Variants in ATP4A observed in about 807,000 individuals in gnomAD.
ATP4A encodes ATPase H+/K+ transporting subunit alpha.
ATP4A carries 73 observed loss-of-function variants against 112.1 expected under a neutral mutation model. That is an observed-to-expected ratio of 0.65 (90% CI 0.54 to 0.79). ATP4A has a LOEUF of 0.79. Among genes scored for constraint, ATP4A ranks in the 30% least tolerant of loss-of-function variants. ATP4A has a pLI of 0.00. For missense variants in ATP4A, 1,081 were observed against 1,425.9 expected (o/e 0.76, Z 3.90); for synonymous variants, 588 against 588.9 (o/e 1.00, Z 0.02).
At position 35,551,322 on chromosome 19, in the gene ATP4A, T is replaced by C; in HGVS notation, c.2885+125A>G. 1 of 1,485,834 alleles carries C rather than the reference T, an allele frequency of 6.7e-7. No individual in the cohort carries two copies. The highest frequency in any genetic ancestry group is 9.1e-7 in the Non-Finnish European group (1 of 1,093,184). The allele number at this position is 1,485,834 out of a possible 1,614,324, so 92.0% of individuals were successfully genotyped here. Reference sequence around the variant, plus strand: ...GTTATTGGCCAGTTAGAAAGGTTTTTTTGGCATGTCACCATCTGGCACTGG... The same window carrying C: ...GTTATTGGCCAGTTAGAAAGGTTTTCTTGGCATGTCACCATCTGGCACTGG... On this transcript the variant is annotated intron_variant, in intron 19 of 21. Transcript: ENST00000262623. This position sits in a 1 kb window ranked among gnomAD's most constrained non-coding sequence, Gnocchi z 5.2.
At position 35,550,846 on chromosome 19, in the gene ATP4A, A is replaced by G. The variant is rs1487552106; in HGVS notation, c.3067T>C (p.Cys1023Arg). Reference sequence around the variant, plus strand: ...TCTCCACACTCACTCCCTGGGCAACAGCGAACTCCAAGCTTCCGGATCTCA... The same window carrying G: ...TCTCCACACTCACTCCCTGGGCAACGGCGAACTCCAAGCTTCCGGATCTCA... ...YDEIRKLGVR[C>R]CPGSWWDQEL... The change falls in exon 21 of 22, where the codon TGT becomes CGT. Residue 1023 changes from cysteine (C) to arginine (R), a missense_variant. This residue lies in a region of ATP4A where 219 missense variants were observed against 320.9 expected (regional missense o/e 0.68). Transcript: ENST00000262623. This position sits in a 1 kb window ranked among gnomAD's most constrained non-coding sequence, Gnocchi z 4.1. 4 of 1,614,090 alleles carry G rather than the reference A, an allele frequency of 2.5e-6. No homozygotes were observed. The highest frequency in any genetic ancestry group is 3.4e-6 in the Non-Finnish European group (4 of 1,179,958).
rs2071685326 is a variant in ATP4A at position 35,563,541 on chromosome 19, G to A, written c.13-14C>T. ...CTCATAGTTCTCCTGGGAATGGACA[G>A]GATGGAGGGAGGGAGAACTCAGATT... is the stretch of plus-strand genomic sequence containing the variant. On this transcript the variant is annotated splice_polypyrimidine_tract_variant and intron_variant, in intron 1 of 21. Coordinates refer to ENST00000262623, the MANE Select transcript of ATP4A (RefSeq NM_000704.3). 6.2e-7 allele frequency: 1 copy of A among 1,613,888 alleles called. No individual in the cohort carries two copies. The highest frequency in any genetic ancestry group is 8.5e-7 in the Non-Finnish European group (1 of 1,179,948).
rs1158978058 is a variant in ATP4A at position 35,555,150 on chromosome 19, C to G, written c.2326+16G>C. ...TGTGCCCACACTGCCTGCCCTCCCC[C>G]TGGCGTGGCTCGGACCCTGCTCCAC... On this transcript the variant is annotated intron_variant, in intron 15 of 21. Transcript: ENST00000262623. This position sits in a 1 kb window ranked among gnomAD's most constrained non-coding sequence, Gnocchi z 6.6. 1.2e-6 allele frequency: 2 copies of G among 1,614,160 alleles called. No homozygotes were observed. The highest frequency in any genetic ancestry group is 1.6e-4 in the Middle Eastern group (1 of 6,062).
chr19:35,559,283 C>G lies in ATP4A; in HGVS notation c.1057-92G>C. The G allele has an allele frequency of 7.2e-7, 1 of 1,382,314 alleles. No individual in the cohort carries two copies. Among genetic ancestry groups the G allele is most frequent in the South Asian group, 1.2e-5 (1 of 82,666 alleles). The allele number at this position is 1,382,314 out of a possible 1,614,324, so 85.6% of individuals were successfully genotyped here. ...AAGAACGGGGAAGGCTTTACCCCAG[C>G]CGCGGGGCTGCGTGTGCAACGTGCT... On this transcript the variant is annotated intron_variant, in intron 7 of 21. Coordinates refer to ENST00000262623, the MANE Select transcript of ATP4A (RefSeq NM_000704.3). This position sits in a 1 kb window ranked among gnomAD's most constrained non-coding sequence, Gnocchi z 4.1.
At position 35,555,748 on chromosome 19, in the gene ATP4A, A is replaced by G. The variant is rs1172383112; in HGVS notation, c.1934T>C (p.Ile645Thr). 3 of 1,613,498 alleles carry G rather than the reference A, an allele frequency of 1.9e-6. No homozygotes were observed. The highest frequency in any genetic ancestry group is 2.7e-5 in the African/African-American group (2 of 74,872). ...AKAIAASVGI[I>T]SEGSETVEDI... is the part of the protein sequence containing the mutation. Reference sequence around the variant, plus strand: ...CTCCACTGTCTCGCTGCCTTCCGAGATGATGCCCACACTGGCTGCAATGGC... The same window carrying G: ...CTCCACTGTCTCGCTGCCTTCCGAGGTGATGCCCACACTGGCTGCAATGGC... The change falls in exon 13 of 22, where the codon ATC (isoleucine) becomes ACC (threonine). Residue 645 changes from isoleucine to threonine, a missense_variant. Ile to Thr is a moderately conservative substitution (Grantham distance 89). Coordinates refer to ENST00000262623, the MANE Select transcript of ATP4A (RefSeq NM_000704.3). This position sits in a 1 kb window ranked among gnomAD's most constrained non-coding sequence, Gnocchi z 6.6.
At position 35,550,732 on chromosome 19, in the gene ATP4A, G is replaced by A; in HGVS notation, c.3080-89C>T. 6.2e-7 allele frequency: 1 copy of A among 1,608,852 alleles called. No homozygotes were observed. The highest frequency in any genetic ancestry group is 8.5e-7 in the Non-Finnish European group (1 of 1,175,422). On this transcript the variant is annotated intron_variant, in intron 21 of 21. Transcript: ENST00000262623. The surrounding 1 kb of genome is among the most constrained non-coding windows in gnomAD (Gnocchi z 4.1). The stretch of plus-strand genomic sequence containing the variant: ...TCAGAGGTCAGTGCTGGTTGCTATG[G>A]AGGGTCAAGGGCTTAGAGGCCAAGT...
rs2146308952 is a variant in ATP4A at position 35,556,989 on chromosome 19, C to A, written c.1793G>T (p.Gly598Val). 1.2e-6 allele frequency: 2 copies of A among 1,614,162 alleles called. No individual in the cohort carries two copies. The highest frequency in any genetic ancestry group is 1.7e-6 in the Non-Finnish European group (2 of 1,180,026). The change falls in exon 12 of 22, where the codon GGA becomes GTA. Residue 598 changes from glycine (G) to valine (V), a missense_variant. By Grantham distance (109) the Gly-to-Val change is moderately radical (BLOSUM62 -3). Coordinates refer to ENST00000262623, the MANE Select transcript of ATP4A (RefSeq NM_000704.3). ...GGGTGGGTCAATCATGGATACAAGT[C>A]CCGCAAAGCAGAGGCCGCTAGATGG... ...NFPSSGLCFA[G>V]LVSMIDPPRA...
At position 35,559,091 on chromosome 19, in the gene ATP4A, G is replaced by A; in HGVS notation, c.1157C>T (p.Ser386Leu). 1.2e-6 allele frequency: 2 copies of A among 1,614,188 alleles called. No individual in the cohort carries two copies. Among genetic ancestry groups the A allele is most frequent in the Non-Finnish European group, 1.7e-6 (2 of 1,180,034 alleles). Reference protein sequence around the residue: ...ETLGSTSVICSDKTGTLTQNR... With the variant: ...ETLGSTSVICLDKTGTLTQNR... ...CTGAGTGAGAGTCCCTGTCTTGTCC[G>A]AGCAGATCACCGAAGTGGAGCCCAA... The change falls in exon 8 of 22, where the codon TCG becomes TTG. Residue 386 changes from serine to leucine, a missense_variant. Ser to Leu is a moderately radical substitution (Grantham distance 145). Coordinates refer to ENST00000262623, the MANE Select transcript of ATP4A (RefSeq NM_000704.3). The surrounding 1 kb of genome is among the most constrained non-coding windows in gnomAD (Gnocchi z 4.1).
At position 35,559,326 on chromosome 19, in the gene ATP4A, T is replaced by C; in HGVS notation, c.1057-135A>G. 1.1e-6 allele frequency: 1 copy of C among 906,876 alleles called. No individual in the cohort carries two copies. Among genetic ancestry groups the C allele is most frequent in the South Asian group, 1.6e-5 (1 of 63,446 alleles). 56.2% of individuals were successfully genotyped at this position (906,876 alleles called of 1,614,324 possible). On this transcript the variant is annotated intron_variant, in intron 7 of 21. Transcript: ENST00000262623. This position sits in a 1 kb window ranked among gnomAD's most constrained non-coding sequence, Gnocchi z 4.1. ...AACGTGCTTCTGCAAACACCAGGTG[T>C]TTTCTTGGCCCCAGCTTTTGTTCAG...
At position 35,550,708 on chromosome 19, in the gene ATP4A, C is replaced by T. The variant is rs2071596379; in HGVS notation, c.3080-65G>A. ...TGCCACTTAGGCAGGGCCAGGGGCT[C>T]AGAGGTCAGTGCTGGTTGCTATGGA... is the stretch of plus-strand genomic sequence containing the variant. On this transcript the variant is annotated intron_variant, in intron 21 of 21. Transcript: ENST00000262623. This position sits in a 1 kb window ranked among gnomAD's most constrained non-coding sequence, Gnocchi z 4.1. The T allele has an allele frequency of 6.2e-7, 1 of 1,610,964 alleles. No homozygotes were observed. Among genetic ancestry groups the T allele is most frequent in the East Asian group, 2.2e-5 (1 of 44,860 alleles).
Position 35,559,999 on chromosome 19 carries a change from C to T in ATP4A, c.862G>A (p.Val288Met), listed in dbSNP as rs780410935. Residue 288 changes from valine (V) to methionine (M), a missense_variant, in exon 7 of 22, where the codon GTG (valine) becomes ATG (methionine). Coordinates refer to ENST00000262623, the MANE Select transcript of ATP4A (RefSeq NM_000704.3). This position sits in a 1 kb window ranked among gnomAD's most constrained non-coding sequence, Gnocchi z 4.1. ...GCGATGGGTGTCTTCTCGTTTTCCACCCCCGACGCCAGCGATGCGATGCGC... is the reference window on the plus strand; with the variant it reads ...GCGATGGGTGTCTTCTCGTTTTCCATCCCCGACGCCAGCGATGCGATGCGC... Reference protein sequence around the residue: ...IGRIASLASGVENEKTPIAIE... With the variant: ...IGRIASLASGMENEKTPIAIE... 6 of 1,614,126 alleles carry T rather than the reference C, an allele frequency of 3.7e-6. No homozygotes were observed. In the African/African-American group the frequency reaches 6.7e-5, roughly 18 times the overall value.
chr19:35,553,897 C>T, intron 16 of ATP4A, 68 bp from the exon 17 acceptor site: 2 of 1,517,776 alleles, frequency 1.3e-6, no homozygotes, highest in Non-Finnish European at 8.9e-7. Context: ...ACTTCGGGTC[C>T]CCCTTCCCCC....
Position 35,555,005 on chromosome 19 carries a change from G to T in ATP4A, c.2398C>A (p.Pro800Thr), listed in dbSNP as rs772282579. Reference protein sequence around the residue: ...TLTKNIPELTPYLIYITVSVP... With the variant: ...TLTKNIPELTTYLIYITVSVP... ...CTGACGGTGATGTAGATGAGGTAGG[G>T]TGTCAGCTCTGGGATGTTCTTGGTC... Residue 800 changes from proline to threonine, a missense_variant, in exon 16 of 22, where the codon CCC becomes ACC. Coordinates refer to ENST00000262623, the MANE Select transcript of ATP4A (RefSeq NM_000704.3). This position sits in a 1 kb window ranked among gnomAD's most constrained non-coding sequence, Gnocchi z 6.6. 2 of 1,614,060 alleles carry T rather than the reference G, an allele frequency of 1.2e-6. No homozygotes were observed. The highest frequency in any genetic ancestry group is 1.3e-5 in the African/African-American group (1 of 74,920).
chr19:35,562,604 A>G lies in ATP4A; in HGVS notation c.251T>C (p.Leu84Pro). ...CCGCAGTGCGTTGGGCCCATCCCGC[A>G]GCAGCAGCTCAGCAGCCAGGCTCGC... ...LSASLAAELL[L>P]RDGPNALRPP... Residue 84 changes from leucine (L) to proline (P), a missense_variant, in exon 4 of 22, where the codon CTG (leucine) becomes CCG (proline). Around this residue, in one of 3 missense-constraint regions of ATP4A, gnomAD observed 850 missense variants for 1,068.2 expected, o/e 0.80. Coordinates refer to ENST00000262623, the MANE Select transcript of ATP4A (RefSeq NM_000704.3). The G allele has an allele frequency of 6.2e-7, 1 of 1,608,950 alleles. No individual in the cohort carries two copies. The highest frequency in any genetic ancestry group is 8.5e-7 in the Non-Finnish European group (1 of 1,178,130).
In ATP4A at chr19:35,558,496, G is replaced by T. The variant is rs768429083; in HGVS notation, c.1366C>A (p.Arg456Ser). 6.3e-7 allele frequency: 1 copy of T among 1,594,020 alleles called. No individual in the cohort carries two copies. Among genetic ancestry groups the T allele is most frequent in the African/African-American group, 1.3e-5 (1 of 74,878 alleles). ...SGQDAVPVPK[R>S]IVIGDASETA... is the part of the protein sequence containing the mutation. ...TCCGATGCGTCTCCAATCACGATGC[G>T]CTGGGAGCGGGGACCGGTGTCAGGG... is the stretch of plus-strand genomic sequence containing the variant. The change falls in exon 10 of 22, where the codon CGC (arginine) becomes AGC (serine). Residue 456 changes from arginine to serine, a missense_variant and splice_region_variant. Coordinates refer to ENST00000262623, the MANE Select transcript of ATP4A (RefSeq NM_000704.3). This position sits in a 1 kb window ranked among gnomAD's most constrained non-coding sequence, Gnocchi z 5.1.
At position 35,558,686 on chromosome 19, in the gene ATP4A, C is replaced by T. The variant is rs200972944; in HGVS notation, c.1256G>A (p.Gly419Glu). 93 of 1,591,714 alleles carry T rather than the reference C, an allele frequency of 5.8e-5. No individual in the cohort carries two copies. Among genetic ancestry groups the T allele is most frequent in the Admixed American group, 1.2e-4 (7 of 56,588 alleles). The stretch of plus-strand genomic sequence containing the variant: ...CTCCGAGGACTGGTCAAACGTCTGC[C>T]CTGCAGACCAGGCGTCCAGGCTGGG... ...HTADTTEDQS[G>E]QTFDQSSETW... is the part of the protein sequence containing the mutation. Residue 419 changes from glycine (G) to glutamate (E), a missense_variant and splice_region_variant, in exon 9 of 22, where the codon GGG (glycine) becomes GAG (glutamate). Transcript: ENST00000262623. The surrounding 1 kb of genome is among the most constrained non-coding windows in gnomAD (Gnocchi z 5.1).
rs142715926 is a variant in ATP4A at position 35,560,038 on chromosome 19, G to A, written c.823C>T (p.Arg275Cys). Residue 275 changes from arginine to cysteine, a missense_variant, in exon 7 of 22, where the codon CGC (arginine) becomes TGC (cysteine). Physicochemically the swap from Arg to Cys is radical, Grantham distance 180. Transcript: ENST00000262623. The surrounding 1 kb of genome is among the most constrained non-coding windows in gnomAD (Gnocchi z 5.1). ...GATGCGATGCGCCCAATGATGGTGCGGTCGCCCGTGTTCACCACCAGGCCC... is the reference window on the plus strand; with the variant it reads ...GATGCGATGCGCCCAATGATGGTGCAGTCGCCCGTGTTCACCACCAGGCCC... ...VQGLVVNTGD[R>C]TIIGRIASLA... 3.2e-5 allele frequency: 51 copies of A among 1,614,084 alleles called. No homozygotes were observed. The highest frequency in any genetic ancestry group is 2.5e-4 in the East Asian group (11 of 44,876).
In ATP4A at chr19:35,555,615, G is replaced by A. The variant is rs751936807; in HGVS notation, c.2007-25C>T. The A allele has an allele frequency of 1.9e-5, 30 of 1,576,752 alleles. No individual in the cohort carries two copies. The highest frequency in any genetic ancestry group is 1.1e-4 in the East Asian group (5 of 44,252). On this transcript the variant is annotated intron_variant, in intron 13 of 21. Transcript: ENST00000262623. The surrounding 1 kb of genome is among the most constrained non-coding windows in gnomAD (Gnocchi z 6.6). ...CCTGGGGAGGAGATGGGAGGACCTC[G>A]CTGGGACCTCGGTCTGTGCCAGATG...
rs781708154 is a variant in ATP4A, at chr19:35,557,815, G to A, written c.1533C>T (p.Asp511=). The change falls in exon 11 of 22, where the codon GAC becomes GAT. Residue 511 remains aspartate, a synonymous_variant. Transcript: ENST00000262623. The surrounding 1 kb of genome is among the most constrained non-coding windows in gnomAD (Gnocchi z 4.4). ...CCTTCATCACCAGCAAGTGTCGCGG[G>A]TCCCGCGGGTCCTCCAGCGTATGGA... The part of the protein sequence containing the change: ...LSIHTLEDPR[D]PRHLLVMKGA... The A allele has an allele frequency of 5.1e-6, 8 of 1,560,680 alleles. No individual in the cohort carries two copies. The highest frequency in any genetic ancestry group is 6.1e-6 in the Non-Finnish European group (7 of 1,148,102).
Sources: gnomAD v4.1 joint callset for allele counts on GRCh38, gnomAD v4.1.1 for gene constraint, gnomAD v4.1.1 regional missense constraint, Gnocchi (gnomAD v3.1) non-coding constraint, MANE v1.5 for transcripts, NCBI Gene and HGNC (gene_info 2026-07-23, HGNC 2026-07-21) for gene names.